Variants in BCCIP observed in about 807,000 individuals in gnomAD.
The protein encoded by BCCIP is BRCA2 and CDKN1A-interacting protein.
Under a neutral mutation model 32.8 loss-of-function variants are expected in BCCIP, and 23 were observed. The ratio of observed to expected loss-of-function variants is 0.70; its 90% confidence interval spans 0.51 to 0.99. The LOEUF is 0.99. Ranked by LOEUF, BCCIP falls within the 50% of genes least tolerant of loss-of-function variation. BCCIP has a pLI of 0.00. For synonymous variants in BCCIP, 144 were observed against 137.6 expected, an observed-to-expected ratio of 1.05 and a Z score of -0.33; for missense variants, 378 against 379.8, an observed-to-expected ratio of 1.00 and a Z score of 0.04.
exon 8 of BCCIP, chr10:125,853,269 A>C: frequency 9.7e-5 from 142 of 1,465,422 alleles, no homozygotes; most frequent in Non-Finnish European, 1.1e-4. Flanking sequence ...TAGGAGGCTC[A>C]TAGTCTCCTG....
chr10:125,843,983 C>T (rs978406856), downstream of BCCIP, among the ~76,000 whole-genome samples: 2 of 152,186 alleles, frequency 1.3e-5, no homozygotes, highest in Non-Finnish European at 2.9e-5. Context: ...AGATTTAAAA[C>T]TGAGCAGAAG....
At chr10:125,836,561 T>C (rs150024151), downstream of BCCIP, 21 of 1,352,688 alleles carry the variant, frequency 1.6e-5, no homozygotes, top group East Asian at 5.3e-4. Flanking sequence ...ATATACACAG[T>C]GTTATTTTCT....
downstream of BCCIP, among the ~76,000 whole-genome samples, chr10:125,839,918 G>A (rs1295096838): frequency 6.6e-6 from 1 of 152,170 alleles, no homozygotes; most frequent in African/African-American, 2.4e-5. Context: ...CACCCATTCA[G>A]CATGCCCTCA....
chr10:125,834,427 C>CA (rs986300683), intron 6 of BCCIP, among the ~76,000 whole-genome samples: 35 of 152,200 alleles, frequency 2.3e-4, no homozygotes, highest in African/African-American at 7.9e-4. Flanking sequence ...ATATCTCCAG[C>CA]ATTTTTTTCC....
chr10:125,830,797 T>C (rs2134010337), intron 4 of BCCIP, 146 bp downstream of exon 4: 1 of 606,672 alleles, frequency 1.6e-6, no homozygotes, highest in East Asian at 2.8e-5. Context: ...GTAATCCTTT[T>C]TCAATATGAA....
intron 7 of BCCIP, chr10:125,852,469 A>G: frequency 6.2e-7 from 1 of 1,613,924 alleles, no homozygotes; most frequent in Non-Finnish European, 8.5e-7. Flanking sequence ...ACACCAAGAA[A>G]AATGGCTTTA....
At chr10:125,827,506 A>G in intron 2 of BCCIP, 52 bp from the exon 3 acceptor site, 1 of 1,226,412 alleles carries the variant, frequency 8.2e-7, no homozygotes, top group Non-Finnish European at 1.2e-6. Context: ...ATTTGAAGTT[A>G]TTAGAAATCA....
downstream of BCCIP, among the ~76,000 whole-genome samples, chr10:125,838,548 A>G (rs535172343): frequency 3.3e-5 from 5 of 152,346 alleles, no homozygotes; most frequent in Admixed American, 2.0e-4. Context: ...AATAAGCCAT[A>G]AGCATGTTTT....
exon 8 of BCCIP, chr10:125,853,637 T>C (rs765722467): frequency 3.9e-6 from 1 of 254,122 alleles, no homozygotes; most frequent in Non-Finnish European, 7.4e-6. Flanking sequence ...GTCAAACAAT[T>C]TGCTTTGCTA....
downstream of BCCIP, chr10:125,840,878 G>T: frequency 6.2e-7 from 1 of 1,604,850 alleles, no homozygotes; most frequent in Non-Finnish European, 8.5e-7. Context: ...TTGTGTCTTG[G>T]TAAGCCTTGT....
intron 7 of BCCIP, among the ~76,000 whole-genome samples, chr10:125,850,942 T>C (rs1436011581): frequency 6.6e-6 from 1 of 152,180 alleles, no homozygotes; most frequent in Non-Finnish European, 1.5e-5. Context: ...TCCACTGAAG[T>C]GGTCAGCTGG....
downstream of BCCIP, among the ~76,000 whole-genome samples, chr10:125,846,198 C>A (rs1435511909): frequency 6.6e-6 from 1 of 152,204 alleles, no homozygotes; most frequent in Non-Finnish European, 1.5e-5. Flanking sequence ...GTTCTTACAG[C>A]CAGGAAGCTG....
chr10:125,843,294 G>T (rs183280379), downstream of BCCIP, among the ~76,000 whole-genome samples: 1 of 152,166 alleles, frequency 6.6e-6, no homozygotes, highest in African/African-American at 2.4e-5. Context: ...ATTTTCTTAT[G>T]TGCTGTCTAA....
At position 125,836,231 on chromosome 10, in the gene BCCIP, T is replaced by C; in HGVS notation, c.902T>C (p.Met301Thr). Reference protein sequence around the residue: ...RTVMLIPGDKMNEIMDKLKEY... With the variant: ...RTVMLIPGDKTNEIMDKLKEY... ...GTGATGTTAATTCCAGGCGACAAGA[T>C]GAACGAAATCATGGATAAACTGAAA... The change falls in exon 7 of 7, where the codon ATG becomes ACG. Residue 301 changes from methionine to threonine, a missense_variant. Met to Thr is a moderately conservative substitution (Grantham distance 81). Coordinates refer to ENST00000278100, the MANE Select transcript of BCCIP (RefSeq NM_078468.3). 1 of 1,614,216 alleles carries C rather than the reference T, an allele frequency of 6.2e-7. No homozygotes were observed. The highest frequency in any genetic ancestry group is 1.1e-5 in the South Asian group (1 of 91,086).
chr10:125,823,998 T>C (rs1854273570), intron 1 of BCCIP, among the ~76,000 whole-genome samples: 1 of 152,208 alleles, frequency 6.6e-6, no homozygotes, highest in East Asian at 1.9e-4. Context: ...TCCTCTTTAG[T>C]TCTCAGGCTG....
rs1854228960 is a variant in BCCIP, at chr10:125,823,563, G to A, written c.6G>A (p.Ala2=). Reference sequence around the variant, plus strand: ...GGCGCAGTGTGAGCGGCAACATGGCGTCCAGGTCTAAGCGGCGTGCCGTGG... The same window carrying A: ...GGCGCAGTGTGAGCGGCAACATGGCATCCAGGTCTAAGCGGCGTGCCGTGG... The part of the protein sequence containing the change: M[A]SRSKRRAVES... Residue 2 remains alanine (A), a synonymous_variant, in exon 1 of 7, where the codon GCG becomes GCA. Transcript: ENST00000278100. 1 of 1,613,604 alleles carries A rather than the reference G, an allele frequency of 6.2e-7. No homozygotes were observed. The highest frequency in any genetic ancestry group is 8.5e-7 in the Non-Finnish European group (1 of 1,179,886).
At chr10:125,841,119 T>TA, downstream of BCCIP, 3 of 1,358,736 alleles carry the variant, frequency 2.2e-6, no homozygotes, top group South Asian at 4.2e-5. Flanking sequence ...TCTGAATAAA[T>TA]ATGTTATTCT....
intron 6 of BCCIP, 139 bp downstream of exon 6, chr10:125,834,085 T>A: frequency 1.1e-6 from 1 of 918,370 alleles, no homozygotes; most frequent in Non-Finnish European, 1.6e-6. Context: ...CCACAGGACC[T>A]AGCAGCTAAC....
intron 3 of BCCIP, among the ~76,000 whole-genome samples, chr10:125,828,166 G>A (rs1265266668): frequency 3.9e-5 from 6 of 152,018 alleles, no homozygotes; most frequent in Non-Finnish European, 8.8e-5. Context: ...ATATGATGAG[G>A]TTTAGTCCCT....
Sources: gnomAD v4.1 joint callset for allele counts (sites outside exome capture counted in the v4.1 genomes callset) on GRCh38, gnomAD v4.1.1 for gene constraint, MANE v1.5 for transcripts, NCBI Gene and HGNC (gene_info 2026-07-23, HGNC 2026-07-21) for gene names.